The following AFG1L variants were observed in gnomAD, a reference collection of about 807,000 sequenced individuals.
AFG1L encodes the protein AFG1-like ATPase.
A neutral mutation model predicts 62.2 loss-of-function variants in AFG1L; 53 were observed. That is an observed-to-expected ratio of 0.85 (90% confidence interval 0.68 to 1.07). The LOEUF (loss-of-function observed/expected upper bound fraction) is 1.07, where lower values mean the gene tolerates loss of function less well. AFG1L is among the 50% of genes least tolerant of loss of function. The pLI, the probability that AFG1L is intolerant of heterozygous loss-of-function variation, is 0.00. For synonymous variants in AFG1L, 228 were observed against 210.3 expected, an observed-to-expected ratio of 1.08 and a Z score of -0.73; for missense variants, 555 against 590.5, an observed-to-expected ratio of 0.94 and a Z score of 0.62.
In AFG1L at chr6:108,402,997, AATTTT is replaced by A. The variant is rs538114087; in HGVS notation, c.807+945_807+949del. ...TAAAATAGCCTCCTTTTTTACTATTAATTTTAAGTAATATTTTACATGATTATTTA... is the reference window on the plus strand; with the variant it reads ...TAAAATAGCCTCCTTTTTTACTATTAAAGTAATATTTTACATGATTATTTA... On this transcript the variant is annotated intron_variant, in intron 7 of 12. Coordinates refer to ENST00000368977, the MANE Select transcript of AFG1L (RefSeq NM_145315.5). Among the ~76,000 whole-genome samples, 1,056 of 152,250 alleles carry A rather than the reference AATTTT, an allele frequency of 6.9e-3. 5 individuals carry two copies. The highest frequency in any genetic ancestry group is 1.0e-2 in the Non-Finnish European group (679 of 67,994).
At chr6:108,513,644 GC>G (rs1179953317) in intron 11 of AFG1L, among the ~76,000 whole-genome samples, 1 of 152,202 alleles carries the variant, frequency 6.6e-6, no homozygotes, top group Non-Finnish European at 1.5e-5. Context: ...GCCCACTGCA[GC>G]TCAAGGAGGC....
intron 10 of AFG1L, among the ~76,000 whole-genome samples, chr6:108,485,142 C>T (rs930994287): frequency 6.6e-6 from 1 of 152,184 alleles, no homozygotes; most frequent in Non-Finnish European, 1.5e-5. Context: ...GCTGGACAAT[C>T]CTGCCCAGCT....
chr6:108,462,019 T>C (rs1337921170), intron 8 of AFG1L, among the ~76,000 whole-genome samples: 1 of 151,772 alleles, frequency 6.6e-6, no homozygotes, highest in African/African-American at 2.4e-5. Context: ...GGCGTGAACC[T>C]GGGAGGTGGA....
chr6:108,385,846 C>T (rs1263956655), intron 6 of AFG1L, among the ~76,000 whole-genome samples: 1 of 152,164 alleles, frequency 6.6e-6, no homozygotes, highest in African/African-American at 2.4e-5. Flanking sequence ...GACAGTAGCT[C>T]ACACCTGTAA....
chr6:108,320,558 A>G (rs1777778539), intron 1 of AFG1L, among the ~76,000 whole-genome samples: 1 of 152,158 alleles, frequency 6.6e-6, no homozygotes, highest in Non-Finnish European at 1.5e-5. Context: ...AGTGACATGT[A>G]TTAAGATGTT....
intron 2 of AFG1L, among the ~76,000 whole-genome samples, chr6:108,330,133 A>C (rs995428502): frequency 1.3e-5 from 2 of 151,992 alleles, no homozygotes; most frequent in African/African-American, 2.4e-5. Flanking sequence ...GGGTCCCTCA[A>C]ACATGGACTT....
intron 8 of AFG1L, among the ~76,000 whole-genome samples, chr6:108,469,523 A>G (rs926484531): frequency 2.0e-5 from 3 of 152,174 alleles, no homozygotes; most frequent in African/African-American, 7.2e-5. Flanking sequence ...TTGTGGGTAA[A>G]GAAAGACAAA....
At chr6:108,484,052 A>G (rs1773431379) in intron 10 of AFG1L, among the ~76,000 whole-genome samples, 1 of 152,192 alleles carries the variant, frequency 6.6e-6, no homozygotes, top group South Asian at 2.1e-4. Flanking sequence ...TAAATATCAT[A>G]CTAAAGGATG....
At chr6:108,341,397 TTTC>T (rs1379135983) in intron 2 of AFG1L, among the ~76,000 whole-genome samples, 1 of 152,208 alleles carries the variant, frequency 6.6e-6, no homozygotes, top group Admixed American at 6.5e-5. Context: ...GGGTGTGATG[TTTC>T]TTTTTTCACG....
chr6:108,460,776 T>C (rs1562175362), intron 8 of AFG1L, among the ~76,000 whole-genome samples: 1 of 152,072 alleles, frequency 6.6e-6, no homozygotes, highest in Non-Finnish European at 1.5e-5. Flanking sequence ...GCTAACACGG[T>C]GAAACCCTGT....
At chr6:108,455,139 T>C (rs1772202998) in intron 8 of AFG1L, among the ~76,000 whole-genome samples, 2 of 152,164 alleles carry the variant, frequency 1.3e-5, no homozygotes, top group African/African-American at 2.4e-5. Flanking sequence ...AACATTTAGG[T>C]TTTTCTACAT....
At chr6:108,485,291 T>G (rs1773495084) in intron 10 of AFG1L, among the ~76,000 whole-genome samples, 1 of 152,166 alleles carries the variant, frequency 6.6e-6, no homozygotes, top group Admixed American at 6.5e-5. Flanking sequence ...TTTCATTTTC[T>G]GTGAATATAT....
intron 7 of AFG1L, among the ~76,000 whole-genome samples, chr6:108,408,129 T>C (rs1476178536): frequency 6.6e-6 from 1 of 151,794 alleles, no homozygotes; most frequent in Non-Finnish European, 1.5e-5. Context: ...TTGAGGCTTT[T>C]TTTTTTTTTT....
At chr6:108,314,389 GCTT>G (rs1367852605) in intron 1 of AFG1L, among the ~76,000 whole-genome samples, 2 of 150,258 alleles carry the variant, frequency 1.3e-5, no homozygotes, top group Non-Finnish European at 3.0e-5. Flanking sequence ...AAAACCTTCT[GCTT>G]CTTCTTTTTT....
At chr6:108,304,902 T>G (rs1028187615) in intron 1 of AFG1L, among the ~76,000 whole-genome samples, 2 of 152,196 alleles carry the variant, frequency 1.3e-5, no homozygotes, top group African/African-American at 4.8e-5. Context: ...AAGACTAGAT[T>G]GTGATTTTGG....
At chr6:108,491,964 C>G (rs1773792554) in intron 10 of AFG1L, among the ~76,000 whole-genome samples, 1 of 152,026 alleles carries the variant, frequency 6.6e-6, no homozygotes, top group South Asian at 2.1e-4. Flanking sequence ...ACAAAGAAAG[C>G]AAAACAAACA....
intron 7 of AFG1L, among the ~76,000 whole-genome samples, chr6:108,440,086 A>C (rs140755882): frequency 0.022 from 3,395 of 152,298 alleles, 118 homozygotes; most frequent in African/African-American, 0.075. Context: ...CTTTTTTCTG[A>C]GAAAGGGGTA....
intron 3 of AFG1L, among the ~76,000 whole-genome samples, chr6:108,348,007 T>C (rs1414916614): frequency 1.3e-5 from 2 of 152,124 alleles, no homozygotes; most frequent in Non-Finnish European, 2.9e-5. Context: ...GCAGGGGATA[T>C]TATCTTAGTA....
intron 6 of AFG1L, among the ~76,000 whole-genome samples, chr6:108,379,453 C>T (rs1780402563): frequency 6.6e-6 from 1 of 152,202 alleles, no homozygotes; most frequent in South Asian, 2.1e-4. Flanking sequence ...CAGAAGCTCT[C>T]TGTTGCTCCA....
Sources: allele counts gnomAD v4.1 joint callset (sites outside exome capture counted in the v4.1 genomes callset), GRCh38; gene constraint gnomAD v4.1.1; transcripts MANE v1.5; gene names NCBI Gene and HGNC (gene_info 2026-07-23, HGNC 2026-07-21).